The following DNAH17 variants were observed in gnomAD, a reference collection of about 807,000 sequenced individuals.
DNAH17 encodes dynein axonemal heavy chain 17.
Under a neutral mutation model 485.6 loss-of-function variants are expected in DNAH17, and 376 were observed. The ratio of observed to expected loss-of-function variants is 0.77; its 90% CI spans 0.71 to 0.84. The LOEUF is 0.84. Among genes scored for constraint, DNAH17 ranks in the 40% least tolerant of loss-of-function variants. DNAH17 has a pLI of 0.00. For synonymous variants in DNAH17, 3,031 were observed against 2,405.9 expected, an observed-to-expected ratio of 1.26 and a Z score of -7.60; for missense variants, 6,370 against 5,839.3, an observed-to-expected ratio of 1.09 and a Z score of -2.96.
intron 49 of DNAH17, 108 bp downstream of exon 49, chr17:78,480,576 T>A (rs2146621236): frequency 1.2e-6 from 1 of 851,024 alleles, no homozygotes; most frequent in African/African-American, 1.8e-5. Flanking sequence ...CTCCAGAAAA[T>A]GTCGGCCTGC....
intron 25 of DNAH17, among the ~76,000 whole-genome samples, chr17:78,519,221 C>A (rs1241066567): frequency 6.7e-6 from 1 of 148,810 alleles, no homozygotes; most frequent in Non-Finnish European, 1.5e-5. Context: ...TCTAAATCAT[C>A]CATGGGTCAA....
At chr17:78,452,359 C>A (rs1361120694) in intron 65 of DNAH17, among the ~76,000 whole-genome samples, 1 of 152,164 alleles carries the variant, frequency 6.6e-6, no homozygotes, top group South Asian at 2.1e-4. Flanking sequence ...AAACACAATG[C>A]GCCCGGCCAC....
At chr17:78,504,556 CGA>C (rs2090422285) in intron 31 of DNAH17, among the ~76,000 whole-genome samples, 1 of 147,306 alleles carries the variant, frequency 6.8e-6, no homozygotes, top group Non-Finnish European at 1.5e-5. Flanking sequence ...CAGGTTTTCT[CGA>C]GATTTTTTTT....
At chr17:78,570,186 A>G in intron 7 of DNAH17, 61 bp downstream of exon 7, 1 of 1,507,004 alleles carries the variant, frequency 6.6e-7, no homozygotes, top group Non-Finnish European at 8.9e-7. Context: ...AAAACAGTGA[A>G]CCGGGGAGGG....
intron 48 of DNAH17, 69 bp downstream of exon 48, chr17:78,484,799 C>A (rs1312423875): frequency 8.4e-7 from 1 of 1,187,180 alleles, no homozygotes; most frequent in South Asian, 1.7e-5. Flanking sequence ...CCTCTTCCTG[C>A]GCCCCGCCCT....
intron 64 of DNAH17, among the ~76,000 whole-genome samples, chr17:78,454,106 T>C (rs536876975): frequency 6.6e-6 from 1 of 152,324 alleles, no homozygotes; most frequent in East Asian, 1.9e-4. Context: ...AGGGCATCAC[T>C]GTACCTGTGT....
chr17:78,426,814 G>T, intron 78 of DNAH17, 112 bp downstream of exon 78: 1 of 1,351,492 alleles, frequency 7.4e-7, no homozygotes, highest in Non-Finnish European at 1.0e-6. Flanking sequence ...TGGAGAGGGA[G>T]CAGTACCATG....
chr17:78,502,755 C>T (rs925880646), intron 32 of DNAH17, 57 bp from the exon 33 acceptor site: 42 of 1,597,588 alleles, frequency 2.6e-5, no homozygotes, highest in East Asian at 1.6e-4. Flanking sequence ...CGCCTGCTAA[C>T]GCAGACATTC....
At chr17:78,491,719 G>A (rs2089866817) in intron 42 of DNAH17, 149 bp from the exon 43 acceptor site, 1 of 1,305,278 alleles carries the variant, frequency 7.7e-7, no homozygotes, top group Non-Finnish European at 1.0e-6. Flanking sequence ...AGGTGCCCAG[G>A]CTCCCTGCCC....
chr17:78,514,878 C>A lies in DNAH17; in HGVS notation c.4009G>T (p.Asp1337Tyr). 1 of 1,614,032 alleles carries A rather than the reference C, an allele frequency of 6.2e-7. No homozygotes were observed. The highest frequency in any genetic ancestry group is 8.5e-7 in the Non-Finnish European group (1 of 1,179,906). ...MKTWDAFVGLDNTVKNVITSL... is the reference protein window; with the variant it reads ...MKTWDAFVGLYNTVKNVITSL... ...GTGATCACGTTTTTCACGGTGTTGT[C>A]GAGCCCCACGAAGGCATCCCAGGTT... is the stretch of plus-strand genomic sequence containing the variant. Residue 1337 changes from aspartate to tyrosine, a missense_variant, in exon 26 of 81, where the codon GAC becomes TAC. Physicochemically the swap from Asp to Tyr is radical, Grantham distance 160. Transcript: ENST00000389840.
In DNAH17 at chr17:78,494,528, C is replaced by T. The variant is rs2146685991; in HGVS notation, c.6270+65G>A. ...ACACGGGTCTCCACCCGTCCAACAT[C>T]AGTGGGAAGGAAGCCCCAGCCAGGC... On this transcript the variant is annotated intron_variant, in intron 40 of 80. Transcript: ENST00000389840. 3 of 1,522,254 alleles carry T rather than the reference C, an allele frequency of 2.0e-6. 1 individual carries two copies. The highest frequency in any genetic ancestry group is 2.3e-5 in the South Asian group (2 of 86,720). 94.3% of individuals were successfully genotyped at this position (1,522,254 alleles called of 1,614,324 possible). A position where few individuals can be genotyped will look rare whatever the true frequency, so the allele number is the denominator to read the frequency against.
At chr17:78,429,817 G>C (rs1036792822) in intron 75 of DNAH17, among the ~76,000 whole-genome samples, 9 of 152,206 alleles carry the variant, frequency 5.9e-5, no homozygotes, top group African/African-American at 1.9e-4. Flanking sequence ...CATGTCTTCA[G>C]ATGCATCTGG....
At chr17:78,566,099 C>CT (rs113914303) in intron 11 of DNAH17, among the ~76,000 whole-genome samples, 2,831 of 152,226 alleles carry the variant, frequency 0.019, 100 homozygotes, top group African/African-American at 0.064. Context: ...GAAGTAGACC[C>CT]TCACCAGACA....
At chr17:78,474,949 C>T (rs1338800697) in intron 54 of DNAH17, among the ~76,000 whole-genome samples, 2 of 150,090 alleles carry the variant, frequency 1.3e-5, no homozygotes, top group African/African-American at 5.0e-5. Context: ...AGGTTTCAGA[C>T]CCTTCACCTC....
chr17:78,480,504 C>G (rs2089302801), intron 49 of DNAH17, among the ~76,000 whole-genome samples, 180 bp downstream of exon 49: 1 of 152,198 alleles, frequency 6.6e-6, no homozygotes, highest in Non-Finnish European at 1.5e-5. Context: ...GGAAGGCTGG[C>G]TAGCTGCTCA....
chr17:78,453,245 C>A, intron 65 of DNAH17, 98 bp downstream of exon 65: 1 of 1,500,828 alleles, frequency 6.7e-7, no homozygotes. Context: ...ACCAGGGAAG[C>A]AAAGGAAATT....
At chr17:78,485,905 C>A in intron 46 of DNAH17, 55 bp downstream of exon 46, 1 of 1,593,156 alleles carries the variant, frequency 6.3e-7, no homozygotes, top group Non-Finnish European at 8.5e-7. Context: ...GAGGGTACTG[C>A]ACCGATTCCT....
chr17:78,457,992 TG>T (rs1164735586), intron 62 of DNAH17, among the ~76,000 whole-genome samples: 1 of 151,508 alleles, frequency 6.6e-6, no homozygotes, highest in Non-Finnish European at 1.5e-5. Context: ...TTTAGTAAGA[TG>T]GGGTTTCGTC....
intron 58 of DNAH17, 103 bp from the exon 59 acceptor site, chr17:78,460,360 A>ATGTGTGTGCATGTGTGTGCATGTG: frequency 6.6e-6 from 1 of 151,512 alleles, no homozygotes; most frequent in Non-Finnish European, 1.1e-5. Flanking sequence ...GTGTGCATGT[A>ATGTGTGTGCATGTGTGTGCATGTG]TGCACGTGCA....
Sources: gnomAD v4.1 joint callset for allele counts (sites outside exome capture counted in the v4.1 genomes callset) on GRCh38, gnomAD v4.1.1 for gene constraint, MANE v1.5 for transcripts, NCBI Gene and HGNC (gene_info 2026-07-23, HGNC 2026-07-21) for gene names.